The following MGAT4C variants were observed in gnomAD, a reference collection of about 807,000 sequenced individuals.
MGAT4C encodes alpha-1,3-mannosyl-glycoprotein 4-beta-N-acetylglucosaminyltransferase C.
MGAT4C carries 19 observed loss-of-function variants against 40.1 expected under a neutral mutation model. The ratio of observed to expected loss-of-function variants is 0.47; its 90% confidence interval spans 0.33 to 0.70. MGAT4C has a LOEUF of 0.70. Ranked by LOEUF, MGAT4C falls within the 30% of genes least tolerant of loss-of-function variation. MGAT4C has a pLI of 0.02. For missense variants in MGAT4C, 491 were observed against 563.2 expected (o/e 0.87, Z 1.30); for synonymous variants, 181 against 187.1 (o/e 0.97, Z 0.27).
intron 2 of MGAT4C, among the ~76,000 whole-genome samples, chr12:86,625,131 A>G (rs577231394): frequency 6.6e-5 from 10 of 152,078 alleles, no homozygotes; most frequent in African/African-American, 2.2e-4. Flanking sequence ...GGCTCTTTTT[A>G]GGGGGCTTTT....
intron 4 of MGAT4C, among the ~76,000 whole-genome samples, chr12:86,285,411 T>A (rs1347884830): frequency 6.6e-6 from 1 of 152,026 alleles, no homozygotes; most frequent in Non-Finnish European, 1.5e-5. Flanking sequence ...AAAATCAATA[T>A]ATATTTAATA....
At chr12:86,676,238 T>A (rs1326158004) in intron 2 of MGAT4C, among the ~76,000 whole-genome samples, 1 of 152,074 alleles carries the variant, frequency 6.6e-6, no homozygotes, top group African/African-American at 2.4e-5. Context: ...TAAAAAGATG[T>A]AACAATGTAG....
At chr12:86,618,721 C>G (rs774513294) in intron 2 of MGAT4C, among the ~76,000 whole-genome samples, 30 of 151,526 alleles carry the variant, frequency 2.0e-4, no homozygotes, top group Admixed American at 2.0e-4. Flanking sequence ...TTAATGGGCA[C>G]AAACATACAG....
chr12:86,425,518 T>C (rs1173356285), intron 3 of MGAT4C, among the ~76,000 whole-genome samples: 1 of 152,244 alleles, frequency 6.6e-6, no homozygotes, highest in African/African-American at 2.4e-5. Context: ...TGTGAGTCAA[T>C]TAAACTTGTT....
At position 86,739,133 on chromosome 12, in the gene MGAT4C, C is replaced by CAAAAA. The variant is rs59869666; in HGVS notation, c.-261-11897_-261-11893dup. Among the ~76,000 whole-genome samples, 30 of 39,788 alleles carry CAAAAA rather than the reference C, an allele frequency of 7.5e-4. 1 individual carries two copies. The highest frequency in any genetic ancestry group is 1.3e-3 in the Admixed American group (3 of 2,390). 26.1% of individuals were successfully genotyped at this position (39,788 alleles called of 152,430 possible). ...TTTAATTCAGCTATGTTTCCCTGTG[C>CAAAAA]AAAAAAAAAAAAAAAAAAAAAAAAA... On this transcript the variant is annotated intron_variant, in intron 1 of 7. Coordinates refer to the MGAT4C transcript ENST00000548651.
chr12:86,147,521 G>C (rs994289465), intron 1 of MGAT4C, among the ~76,000 whole-genome samples: 16 of 152,326 alleles, frequency 1.1e-4, no homozygotes, highest in Non-Finnish European at 2.2e-4. Context: ...GATTACAGGC[G>C]TGAGCCACCG....
intron 1 of MGAT4C, among the ~76,000 whole-genome samples, chr12:86,838,161 C>G (rs1057381405): frequency 6.6e-6 from 1 of 152,070 alleles, no homozygotes; most frequent in Non-Finnish European, 1.5e-5. Flanking sequence ...AAGACTTATA[C>G]TGAAGTTTCT....
chr12:86,709,884 G>C (rs1037525879), intron 2 of MGAT4C, among the ~76,000 whole-genome samples: 1 of 151,978 alleles, frequency 6.6e-6, no homozygotes, highest in Non-Finnish European at 1.5e-5. Context: ...AATACTCTTG[G>C]ATGGCATAAA....
At chr12:86,671,002 A>C (rs1273596234) in intron 2 of MGAT4C, among the ~76,000 whole-genome samples, 2 of 152,242 alleles carry the variant, frequency 1.3e-5, no homozygotes, top group African/African-American at 4.8e-5. Context: ...CATTCTATTT[A>C]TACCATTCTA....
intron 2 of MGAT4C, among the ~76,000 whole-genome samples, chr12:86,581,475 G>A (rs2136434123): frequency 6.6e-6 from 1 of 151,442 alleles, no homozygotes; most frequent in African/African-American, 2.4e-5. Flanking sequence ...CTGCAGCTGA[G>A]AGTTAACGAA....
At chr12:85,987,116 A>ATTTTT (rs869139864) in intron 3 of MGAT4C, among the ~76,000 whole-genome samples, 1 of 73,898 alleles carries the variant, frequency 1.4e-5, no homozygotes, top group Non-Finnish European at 2.4e-5. Context: ...TAAAATAATA[A>ATTTTT]TTTTTTTTTT....
At chr12:86,644,432 A>T (rs1321453699) in intron 2 of MGAT4C, among the ~76,000 whole-genome samples, 1 of 151,830 alleles carries the variant, frequency 6.6e-6, no homozygotes, top group Non-Finnish European at 1.5e-5. Context: ...TTTTAAGAAT[A>T]GTAATAACAA....
At chr12:85,993,962 C>T (rs532107748) in intron 2 of MGAT4C, among the ~76,000 whole-genome samples, 6 of 152,216 alleles carry the variant, frequency 3.9e-5, no homozygotes, top group Non-Finnish European at 2.9e-5. Flanking sequence ...CCAGGGTCCT[C>T]AAGGGTGCAG....
intron 2 of MGAT4C, among the ~76,000 whole-genome samples, chr12:86,712,983 C>T (rs1593142476): frequency 6.6e-6 from 1 of 152,048 alleles, no homozygotes; most frequent in Non-Finnish European, 1.5e-5. Flanking sequence ...AGCATTGTGA[C>T]ATTTTAGTCC....
chr12:86,000,801 T>C (rs1565839651), intron 2 of MGAT4C, among the ~76,000 whole-genome samples: 1 of 152,120 alleles, frequency 6.6e-6, no homozygotes, highest in African/African-American at 2.4e-5. Context: ...CTAACCCAGA[T>C]TTTCTTTCTA....
At chr12:86,051,178 T>C (rs1892856445) in intron 1 of MGAT4C, among the ~76,000 whole-genome samples, 2 of 151,996 alleles carry the variant, frequency 1.3e-5, no homozygotes, top group Non-Finnish European at 2.9e-5. Context: ...AAAAACAGCA[T>C]TGGTTTTGAA....
chr12:86,610,354 A>G (rs183306949), intron 2 of MGAT4C, among the ~76,000 whole-genome samples: 4 of 152,258 alleles, frequency 2.6e-5, no homozygotes, highest in African/African-American at 9.6e-5. Context: ...AGATAGCTAC[A>G]AGAGATGCGT....
At chr12:86,709,711 G>A (rs995734390) in intron 2 of MGAT4C, among the ~76,000 whole-genome samples, 7 of 152,010 alleles carry the variant, frequency 4.6e-5, no homozygotes, top group Non-Finnish European at 1.0e-4. Context: ...TTCCCTCTCT[G>A]CCTGAACATT....
chr12:86,462,655 C>T (rs982135785), intron 2 of MGAT4C, among the ~76,000 whole-genome samples: 1 of 152,170 alleles, frequency 6.6e-6, no homozygotes, highest in Non-Finnish European at 1.5e-5. Flanking sequence ...GCCAACAGTG[C>T]AGCCTTCAGT....
Sources: gnomAD v4.1 joint callset for allele counts (sites outside exome capture counted in the v4.1 genomes callset) on GRCh38, gnomAD v4.1.1 for gene constraint, MANE v1.5 for transcripts, NCBI Gene and HGNC (gene_info 2026-07-23, HGNC 2026-07-21) for gene names.